GPC6: variants seen among roughly 807,000 people sequenced by gnomAD.
The protein encoded by GPC6 is glypican 6, also known as glypican-6.
Under a neutral mutation model 55.2 loss-of-function variants are expected in GPC6, and 14 were observed. That is an observed-to-expected ratio of 0.25 (90% CI 0.17 to 0.40). GPC6 has a LOEUF of 0.40. Among genes scored for constraint, GPC6 ranks in the 10% least tolerant of loss-of-function variants. The probability of loss-of-function intolerance (pLI) is 1.00; values close to 1 mark genes in which losing one functional copy is unlikely to be tolerated. For missense variants in GPC6, 641 were observed against 708.5 expected, an observed-to-expected ratio of 0.90 and a Z score of 1.08; for synonymous variants, 278 against 259.6, an observed-to-expected ratio of 1.07 and a Z score of -0.68.
chr13:94,002,647 T>A (rs1232380040), intron 3 of GPC6, among the ~76,000 whole-genome samples: 3 of 152,214 alleles, frequency 2.0e-5, no homozygotes, highest in African/African-American at 4.8e-5. Context: ...TCAGGAATCC[T>A]GAATTATGTT....
intron 5 of GPC6, among the ~76,000 whole-genome samples, chr13:94,294,840 T>C (rs549445668): frequency 6.6e-6 from 1 of 152,320 alleles, no homozygotes; most frequent in South Asian, 2.1e-4. Context: ...AGTGAGCATA[T>C]TATTCCTTTT....
intron 6 of GPC6, among the ~76,000 whole-genome samples, chr13:94,354,045 T>C (rs1165474022): frequency 1.3e-5 from 2 of 152,248 alleles, no homozygotes; most frequent in Admixed American, 6.5e-5. Context: ...CACCCATGGC[T>C]ACATGTGCTT....
chr13:93,796,667 T>C (rs1886206874), intron 2 of GPC6, among the ~76,000 whole-genome samples: 1 of 152,190 alleles, frequency 6.6e-6, no homozygotes, highest in Non-Finnish European at 1.5e-5. Context: ...AGCAACCTTT[T>C]CTCTCCTTAC....
chr13:93,473,301 A>G (rs531380826), intron 1 of GPC6, among the ~76,000 whole-genome samples: 3 of 151,822 alleles, frequency 2.0e-5, no homozygotes, highest in Admixed American at 1.3e-4. Context: ...TCCCCCACCC[A>G]CTCTTTGGTG....
intron 3 of GPC6, among the ~76,000 whole-genome samples, chr13:93,898,940 AATATAT>A (rs66531953): frequency 1.5e-3 from 209 of 136,646 alleles, no homozygotes; most frequent in African/African-American, 4.8e-3. Flanking sequence ...ATTATATATA[AATATAT>A]ATATATATAT....
intron 1 of GPC6, among the ~76,000 whole-genome samples, chr13:93,494,719 G>A (rs920762224): frequency 6.6e-6 from 1 of 151,744 alleles, no homozygotes; most frequent in Non-Finnish European, 1.5e-5. Context: ...GGCAGGCCTG[G>A]TGGTGACAAA....
At chr13:93,459,079 G>A (rs1474774678) in intron 1 of GPC6, among the ~76,000 whole-genome samples, 36 of 152,118 alleles carry the variant, frequency 2.4e-4, no homozygotes, top group Admixed American at 2.4e-3. Context: ...TTATTTTTGA[G>A]ACAGGGCCTT....
At chr13:94,062,678 G>A (rs1455895388) in intron 4 of GPC6, among the ~76,000 whole-genome samples, 1 of 151,996 alleles carries the variant, frequency 6.6e-6, no homozygotes, top group Non-Finnish European at 1.5e-5. Context: ...ATTGTTTATG[G>A]AAGACACACA....
At chr13:93,414,526 T>C (rs1876625158) in intron 1 of GPC6, among the ~76,000 whole-genome samples, 1 of 152,114 alleles carries the variant, frequency 6.6e-6, no homozygotes, top group Non-Finnish European at 1.5e-5. Context: ...ATATCCAGAA[T>C]TTAGAACAGT....
At chr13:93,705,468 T>A (rs985619005) in intron 2 of GPC6, among the ~76,000 whole-genome samples, 1 of 151,924 alleles carries the variant, frequency 6.6e-6, no homozygotes, top group Non-Finnish European at 1.5e-5. Context: ...AAGTGTAATA[T>A]AGGTTTGTGA....
chr13:94,051,535 A>G (rs186397242), intron 4 of GPC6, among the ~76,000 whole-genome samples: 5 of 152,298 alleles, frequency 3.3e-5, no homozygotes, highest in Non-Finnish European at 7.4e-5. Context: ...TTACGAGAGT[A>G]TGTATTTGTT....
chr13:93,869,971 G>T (rs1889080022), intron 3 of GPC6, among the ~76,000 whole-genome samples: 1 of 151,828 alleles, frequency 6.6e-6, no homozygotes, highest in Non-Finnish European at 1.5e-5. Flanking sequence ...TGGCAATTTT[G>T]ATCTCAGCTC....
intron 2 of GPC6, among the ~76,000 whole-genome samples, chr13:93,607,845 A>C (rs1454884673): frequency 1.3e-5 from 2 of 152,072 alleles, no homozygotes; most frequent in African/African-American, 4.8e-5. Flanking sequence ...AATGGGACTT[A>C]CCAGTATCCC....
chr13:93,778,762 T>C (rs569204321), intron 2 of GPC6, among the ~76,000 whole-genome samples: 2 of 152,272 alleles, frequency 1.3e-5, no homozygotes, highest in South Asian at 4.1e-4. Flanking sequence ...AGCAAATGGC[T>C]TATTTGGCAG....
intron 2 of GPC6, among the ~76,000 whole-genome samples, chr13:93,636,722 A>AT (rs1240604945): frequency 5.9e-5 from 9 of 152,216 alleles, no homozygotes; most frequent in Non-Finnish European, 1.0e-4. Context: ...GGCAGAAAAC[A>AT]TTAACTCAGG....
chr13:93,554,555 AG>A (rs1875353820), intron 2 of GPC6, among the ~76,000 whole-genome samples: 1 of 152,262 alleles, frequency 6.6e-6, no homozygotes, highest in African/African-American at 2.4e-5. Flanking sequence ...AACTTTGGCA[AG>A]ATTCAAATGA....
At chr13:94,350,075 T>TTGTGTGTGTGTGTGTGTGTGTGTG (rs367555548) in intron 6 of GPC6, among the ~76,000 whole-genome samples, 271 of 150,144 alleles carry the variant, frequency 1.8e-3, no homozygotes, top group African/African-American at 6.3e-3. Flanking sequence ...TATATATCTT[T>TTGTGTGTGTGTGTGTGTGTGTGTG]TGTGTGTGTG....
intron 4 of GPC6, among the ~76,000 whole-genome samples, chr13:94,045,004 A>G (rs972139795): frequency 1.1e-4 from 17 of 151,874 alleles, no homozygotes; most frequent in African/African-American, 4.1e-4. Flanking sequence ...AGTGAGATAT[A>G]TATTTGTGAA....
intron 2 of GPC6, among the ~76,000 whole-genome samples, chr13:93,591,470 A>G (rs78916617): frequency 5.7e-3 from 104 of 18,356 alleles, no homozygotes; most frequent in Non-Finnish European, 0.037. Flanking sequence ...TCTCAAAGGA[A>G]AAAAAAAAAA....
Sources: gnomAD v4.1 joint callset for allele counts (sites outside exome capture counted in the v4.1 genomes callset) on GRCh38, gnomAD v4.1.1 for gene constraint, MANE v1.5 for transcripts, NCBI Gene and HGNC (gene_info 2026-07-23, HGNC 2026-07-21) for gene names.